Variants in OSBPL10 observed in about 807,000 individuals in gnomAD.
OSBPL10 encodes the protein oxysterol-binding protein-related protein 10.
Under a neutral mutation model 81.7 loss-of-function variants are expected in OSBPL10, and 49 were observed. That is an observed-to-expected ratio of 0.60 (90% CI 0.48 to 0.76). OSBPL10 has a LOEUF of 0.76. OSBPL10 is among the 30% of genes least tolerant of loss of function. The pLI is 0.00. For synonymous variants in OSBPL10, 419 were observed against 383.6 expected (o/e 1.09, Z -1.08); for missense variants, 923 against 987.8 (o/e 0.93, Z 0.88).
intron 6 of OSBPL10, 185 bp downstream of exon 6, chr3:31,733,072 A>G: frequency 1.4e-6 from 1 of 717,618 alleles, no homozygotes; most frequent in African/African-American, 1.8e-5. Context: ...AGCAGCTGCC[A>G]GACACAAGAA....
chr3:31,834,257 T>C (rs1337723336), intron 3 of OSBPL10, among the ~76,000 whole-genome samples: 1 of 152,218 alleles, frequency 6.6e-6, no homozygotes, highest in South Asian at 2.1e-4. Context: ...AGAAACAACA[T>C]GGCAGGTTTT....
At chr3:32,073,096 C>T (rs892739896) in intron 1 of OSBPL10, among the ~76,000 whole-genome samples, 3 of 152,186 alleles carry the variant, frequency 2.0e-5, no homozygotes, top group African/African-American at 7.2e-5. Context: ...GTACTTTGAC[C>T]TTCTGCCCTT....
In OSBPL10 at chr3:31,769,846, A is replaced by G. The variant is rs1373720126; in HGVS notation, c.730-21726T>C. Among the ~76,000 whole-genome samples the G allele has an allele frequency of 3.9e-5, 6 of 151,948 alleles. No homozygotes were observed. In the East Asian group the frequency reaches 9.7e-4, roughly 24 times the overall value. ...ACTCCAGCCAAGAGCAAAGAAACAG[A>G]TAACTGCTTGATTGTAGGTATTTTT... is the stretch of plus-strand genomic sequence containing the variant. On this transcript the variant is annotated intron_variant, in intron 4 of 11. Transcript: ENST00000396556.
At chr3:31,673,967 T>C (rs1192348385) in intron 8 of OSBPL10, among the ~76,000 whole-genome samples, 4 of 152,054 alleles carry the variant, frequency 2.6e-5, no homozygotes, top group Non-Finnish European at 5.9e-5. Context: ...AAATTATTTA[T>C]AGAGACAAGG....
intron 4 of OSBPL10, among the ~76,000 whole-genome samples, chr3:31,815,385 T>A (rs143620888): frequency 4.9e-4 from 75 of 152,342 alleles, no homozygotes; most frequent in African/African-American, 1.7e-3. Flanking sequence ...TTTACAGCAA[T>A]AGATAATCAG....
intron 1 of OSBPL10, among the ~76,000 whole-genome samples, chr3:31,921,916 C>A (rs1696929399): frequency 6.6e-6 from 1 of 152,190 alleles, no homozygotes; most frequent in Admixed American, 6.5e-5. Context: ...GCCACTTTCC[C>A]TCTGTGATCT....
intron 1 of OSBPL10, among the ~76,000 whole-genome samples, chr3:31,962,249 G>A (rs537225480): frequency 4.6e-5 from 7 of 152,250 alleles, no homozygotes; most frequent in Non-Finnish European, 7.4e-5. Context: ...GAGCCACCGC[G>A]CCTGGCCGGC....
At chr3:31,723,383 C>T (rs569681897) in intron 6 of OSBPL10, among the ~76,000 whole-genome samples, 15 of 152,258 alleles carry the variant, frequency 9.9e-5, no homozygotes, top group Admixed American at 2.0e-4. Context: ...GCTATGGTCC[C>T]GGGGTGGCTG....
At chr3:32,055,025 A>G (rs1056920678) in intron 1 of OSBPL10, among the ~76,000 whole-genome samples, 3 of 152,018 alleles carry the variant, frequency 2.0e-5, no homozygotes, top group African/African-American at 7.2e-5. Context: ...AACTTTCAGG[A>G]CTCTCATGAA....
chr3:32,003,161 C>T (rs760544418), intron 2 of OSBPL10, among the ~76,000 whole-genome samples: 6 of 152,192 alleles, frequency 3.9e-5, no homozygotes, highest in Admixed American at 1.3e-4. Context: ...GGCAAATCAA[C>T]GGAATGTCTA....
intron 7 of OSBPL10, among the ~76,000 whole-genome samples, chr3:31,687,406 G>A (rs547653194): frequency 2.0e-5 from 3 of 152,066 alleles, no homozygotes; most frequent in Middle Eastern, 3.4e-3. Flanking sequence ...TTGAAAAGGA[G>A]AAGAATTTAA....
intron 3 of OSBPL10, among the ~76,000 whole-genome samples, chr3:31,871,155 C>T (rs967271177): frequency 5.9e-5 from 9 of 152,158 alleles, no homozygotes; most frequent in East Asian, 3.9e-4. Flanking sequence ...TTTGTTCTTT[C>T]GCTCTTTGCA....
intron 5 of OSBPL10, among the ~76,000 whole-genome samples, chr3:31,736,494 A>G (rs1697178480): frequency 6.6e-6 from 1 of 152,210 alleles, no homozygotes; most frequent in Non-Finnish European, 1.5e-5. Flanking sequence ...GATTCAAGAC[A>G]CTAGAATCTG....
intron 4 of OSBPL10, among the ~76,000 whole-genome samples, chr3:31,808,561 G>C (rs560946546): frequency 6.6e-6 from 1 of 152,320 alleles, no homozygotes; most frequent in East Asian, 1.9e-4. Context: ...GAAGTCCCCA[G>C]GCTGGGGGAA....
intron 1 of OSBPL10, among the ~76,000 whole-genome samples, chr3:31,976,514 G>T (rs1009191692): frequency 6.6e-6 from 1 of 152,190 alleles, no homozygotes; most frequent in Non-Finnish European, 1.5e-5. Flanking sequence ...GTCCAGTGGT[G>T]TGATCATAGC....
chr3:32,000,731 A>G (rs1194303587), intron 2 of OSBPL10, among the ~76,000 whole-genome samples: 4 of 152,140 alleles, frequency 2.6e-5, no homozygotes, highest in South Asian at 4.1e-4. Flanking sequence ...TTCCAAGCCA[A>G]TTTTGAGAGG....
chr3:31,873,224 A>T (rs1459762141), intron 3 of OSBPL10, among the ~76,000 whole-genome samples: 7 of 152,034 alleles, frequency 4.6e-5, no homozygotes, highest in African/African-American at 7.2e-5. Context: ...ACCTCAATTT[A>T]AAAAAAATGC....
At chr3:31,871,738 C>T (rs747111422) in intron 3 of OSBPL10, among the ~76,000 whole-genome samples, 6 of 152,184 alleles carry the variant, frequency 3.9e-5, no homozygotes, top group Admixed American at 6.5e-5. Flanking sequence ...TGGTGTGTGC[C>T]TGTGGCCCCA....
At chr3:31,761,823 A>AAAAAAAAAAAAAAAAAAAAAC (rs1553622727) in intron 4 of OSBPL10, among the ~76,000 whole-genome samples, 8 of 149,988 alleles carry the variant, frequency 5.3e-5, no homozygotes, top group African/African-American at 2.0e-4. Flanking sequence ...TAAAAAAAAA[A>AAAAAAAAAAAAAAAAAAAAAC]AAAAAAAACC....
Sources: gnomAD v4.1 joint callset for allele counts (sites outside exome capture counted in the v4.1 genomes callset) on GRCh38, gnomAD v4.1.1 for gene constraint, MANE v1.5 for transcripts, NCBI Gene and HGNC (gene_info 2026-07-23, HGNC 2026-07-21) for gene names.